SLC60A1: variants seen among roughly 807,000 people sequenced by gnomAD.
SLC60A1 encodes solute carrier family 60 member 1.
the SLC60A1 span, among the ~76,000 whole-genome samples, chr1:205,570,601 T>C: frequency 6.6e-6 from 1 of 152,222 alleles, no homozygotes; most frequent in Non-Finnish European, 1.5e-5. Context: ...ATCCCCATTT[T>C]CCCCAAATCT....
chr1:205,585,930 C>A, the SLC60A1 span: 2 of 1,280,874 alleles, frequency 1.6e-6, no homozygotes, highest in Non-Finnish European at 2.1e-6. This position sits in a 1 kb window ranked among gnomAD's most constrained non-coding sequence, Gnocchi z 4.2. Flanking sequence ...AACAGGCAGT[C>A]CTCCCTCTGC....
the SLC60A1 span, chr1:205,599,239 G>A: frequency 6.2e-7 from 1 of 1,614,010 alleles, no homozygotes; most frequent in Non-Finnish European, 8.5e-7. Context: ...GATGCACCCT[G>A]GACTCCCATC....
At chr1:205,580,971 C>T in the SLC60A1 span, 99 of 1,580,940 alleles carry the variant, frequency 6.3e-5, no homozygotes, top group Non-Finnish European at 8.0e-5. This position sits in a 1 kb window ranked among gnomAD's most constrained non-coding sequence, Gnocchi z 5.0. Context: ...ACAGTCCACA[C>T]ATCCCAGTCC....
chr1:205,582,239 G>C, the SLC60A1 span, among the ~76,000 whole-genome samples: 3 of 152,222 alleles, frequency 2.0e-5, no homozygotes, highest in Non-Finnish European at 4.4e-5. Flanking sequence ...CAGGAAGCCG[G>C]AAGGTCCGGC....
the SLC60A1 span, chr1:205,595,005 T>C: frequency 1.0e-3 from 154 of 152,352 alleles, no homozygotes; most frequent in African/African-American, 3.5e-3. Context: ...GTGAGGACCA[T>C]GTACTAAGCC....
chr1:205,581,407 G>A, the SLC60A1 span, among the ~76,000 whole-genome samples: 1 of 152,234 alleles, frequency 6.6e-6, no homozygotes, highest in Non-Finnish European at 1.5e-5. This position sits in a 1 kb window ranked among gnomAD's most constrained non-coding sequence, Gnocchi z 4.2. Flanking sequence ...TGGGAACAGC[G>A]AGAGACCACT....
At chr1:205,600,217 C>G in the SLC60A1 span, 4 of 559,626 alleles carry the variant, frequency 7.1e-6, no homozygotes, top group Admixed American at 3.2e-5. Context: ...AAGCCCTAGA[C>G]AGCAGTCTCA....
At chr1:205,573,627 T>C in the SLC60A1 span, among the ~76,000 whole-genome samples, 2 of 152,256 alleles carry the variant, frequency 1.3e-5, no homozygotes, top group African/African-American at 4.8e-5. Context: ...ACTAAATTAG[T>C]AGTTGCCTAG....
chr1:205,578,690 CTCT>C, the SLC60A1 span, among the ~76,000 whole-genome samples: 71 of 92,196 alleles, frequency 7.7e-4, no homozygotes, highest in African/African-American at 2.2e-3. Context: ...TGGGGCCCTC[CTCT>C]TTTTTTTTCA....
At chr1:205,600,678 G>A in the SLC60A1 span, 3 of 546,542 alleles carry the variant, frequency 5.5e-6, no homozygotes, top group Admixed American at 9.6e-5. Flanking sequence ...CTTCTTCCCT[G>A]GTTCAGACTG....
chr1:205,597,387 T>G, the SLC60A1 span, among the ~76,000 whole-genome samples: 24 of 146,202 alleles, frequency 1.6e-4, no homozygotes, highest in South Asian at 2.3e-4. Flanking sequence ...TTTTTTTTTT[T>G]TTTTTTTTTT....
the SLC60A1 span, chr1:205,584,942 C>T: frequency 6.2e-7 from 1 of 1,613,938 alleles, no homozygotes; most frequent in Non-Finnish European, 8.5e-7. Context: ...TCCTTCTTTG[C>T]CATCCACATC....
At chr1:205,584,026 G>T in the SLC60A1 span, 5 of 1,613,900 alleles carry the variant, frequency 3.1e-6, no homozygotes, top group Admixed American at 3.3e-5. Context: ...CCCAGAGGAG[G>T]CCCCTGCTTC....
At chr1:205,576,551 C>G in the SLC60A1 span, among the ~76,000 whole-genome samples, 66 of 152,200 alleles carry the variant, frequency 4.3e-4, no homozygotes, top group Non-Finnish European at 1.5e-4. Flanking sequence ...ATTCTGATTC[C>G]AGATCGCACT....
chr1:205,576,196 G>A, the SLC60A1 span, among the ~76,000 whole-genome samples: 3 of 152,172 alleles, frequency 2.0e-5, no homozygotes, highest in African/African-American at 7.2e-5. Context: ...CAGGAATAGG[G>A]GCAGGCCTGG....
the SLC60A1 span, among the ~76,000 whole-genome samples, chr1:205,599,482 T>C: frequency 1.3e-5 from 2 of 152,200 alleles, no homozygotes; most frequent in African/African-American, 4.8e-5. Flanking sequence ...GGCTGACTCA[T>C]GGTTTCTCCA....
At chr1:205,573,248 T>TA in the SLC60A1 span, among the ~76,000 whole-genome samples, 3,345 of 149,796 alleles carry the variant, frequency 0.022, 43 homozygotes, top group Non-Finnish European at 0.03. Flanking sequence ...CCATCTCTAC[T>TA]AAAAAAAAAA....
chr1:205,590,210 C>A, the SLC60A1 span, among the ~76,000 whole-genome samples: 1 of 152,116 alleles, frequency 6.6e-6, no homozygotes. Flanking sequence ...GCAGGTGAAA[C>A]GTGGAGCAGG....
the SLC60A1 span, chr1:205,569,322 C>T: frequency 4.8e-6 from 7 of 1,454,080 alleles, no homozygotes; most frequent in South Asian, 7.8e-5. Context: ...CCCGTGCGCC[C>T]CCGCCCCGCG....
Sources: allele counts gnomAD v4.1 joint callset (sites outside exome capture counted in the v4.1 genomes callset), GRCh38; gene constraint gnomAD v4.1.1; non-coding constraint Gnocchi (gnomAD v3.1); transcripts MANE v1.5; gene names NCBI Gene and HGNC (gene_info 2026-07-23, HGNC 2026-07-21).